The following PKIB variants were observed in gnomAD, a reference collection of about 807,000 sequenced individuals.
PKIB encodes the protein cAMP-dependent protein kinase inhibitor beta.
Under a neutral mutation model 4.5 loss-of-function variants are expected in PKIB, and 2 were observed. The ratio of observed to expected loss-of-function variants is 0.44; its 90% confidence interval spans 0.18 to 1.39. The LOEUF (loss-of-function observed/expected upper bound fraction) is 1.39, where lower values mean the gene tolerates loss of function less well. Ranked by LOEUF, PKIB falls within the 40% of genes most tolerant of loss-of-function variation. The pLI, the probability that PKIB is intolerant of heterozygous loss-of-function variation, is 0.27. For synonymous variants in PKIB, 38 were observed against 36.0 expected (o/e 1.06, Z -0.20); for missense variants, 94 against 92.6 (o/e 1.02, Z -0.06).
At chr6:122,646,038 A>C (rs1776301558) in intron 2 of PKIB, among the ~76,000 whole-genome samples, 1 of 152,094 alleles carries the variant, frequency 6.6e-6, no homozygotes, top group South Asian at 2.1e-4. Context: ...GAAACTGCTC[A>C]CATGGGGCCT....
At chr6:122,563,248 AC>A (rs1773084537) in intron 2 of PKIB, among the ~76,000 whole-genome samples, 1 of 152,000 alleles carries the variant, frequency 6.6e-6, no homozygotes, top group Non-Finnish European at 1.5e-5. Context: ...GGGTCTAGCC[AC>A]CCAGTAAGTC....
chr6:122,640,512 T>C (rs548067403), intron 2 of PKIB, among the ~76,000 whole-genome samples: 4 of 152,322 alleles, frequency 2.6e-5, no homozygotes, highest in African/African-American at 9.6e-5. Context: ...GGACAACACG[T>C]TGTGACATGT....
chr6:122,649,331 T>A (rs1265101236), intron 2 of PKIB, among the ~76,000 whole-genome samples: 3 of 152,220 alleles, frequency 2.0e-5, no homozygotes, highest in Non-Finnish European at 4.4e-5. Flanking sequence ...GGAAGACTTC[T>A]CTTTAGCACT....
At chr6:122,516,900 T>C (rs531928225) in intron 2 of PKIB, among the ~76,000 whole-genome samples, 1 of 152,260 alleles carries the variant, frequency 6.6e-6, no homozygotes, top group East Asian at 1.9e-4. Flanking sequence ...TTGCAACATG[T>C]GGCATTTAAA....
intron 2 of PKIB, among the ~76,000 whole-genome samples, chr6:122,527,024 C>T (rs1023446038): frequency 1.3e-5 from 2 of 152,164 alleles, no homozygotes; most frequent in African/African-American, 4.8e-5. Context: ...GTAATTGCTG[C>T]TCCATCTTGC....
intron 2 of PKIB, among the ~76,000 whole-genome samples, chr6:122,550,598 T>C (rs1772648700): frequency 6.6e-6 from 1 of 152,192 alleles, no homozygotes; most frequent in Non-Finnish European, 1.5e-5. Context: ...TCTTATCAGG[T>C]AATCTACTAA....
chr6:122,509,024 C>T (rs765880551), intron 2 of PKIB, among the ~76,000 whole-genome samples: 5 of 152,156 alleles, frequency 3.3e-5, no homozygotes, highest in Non-Finnish European at 4.4e-5. Context: ...GCTGGGATTA[C>T]AGGCGTGAGC....
chr6:122,559,814 G>T (rs1485003513), intron 2 of PKIB, among the ~76,000 whole-genome samples: 1 of 152,032 alleles, frequency 6.6e-6, no homozygotes, highest in East Asian at 1.9e-4. Flanking sequence ...TTGTAAAAGG[G>T]GTTGAGTTCT....
rs117011491 is a variant in PKIB at position 122,620,441 on chromosome 6, G to T, written c.-161+9906G>T. Reference sequence around the variant, plus strand: ...ATTATAGACTAAGAATTCTCTCTTGGTTTCTTAACACAGATAGGCTAATAA... The same window carrying T: ...ATTATAGACTAAGAATTCTCTCTTGTTTTCTTAACACAGATAGGCTAATAA... On this transcript the variant is annotated intron_variant, in intron 1 of 4. Transcript: ENST00000368452. 5.9e-4 allele frequency among the ~76,000 whole-genome samples: 90 copies of T among 152,294 alleles called. 1 individual carries two copies. The East Asian group carries it at 0.016, about 27-fold the overall frequency.
intron 3 of PKIB, among the ~76,000 whole-genome samples, chr6:122,700,221 T>C (rs1418316063): frequency 2.6e-5 from 4 of 151,486 alleles, no homozygotes; most frequent in Non-Finnish European, 5.9e-5. Context: ...AGGATATTTT[T>C]TTCTTTGCTT....
intron 2 of PKIB, among the ~76,000 whole-genome samples, chr6:122,565,061 T>G (rs937323599): frequency 2.6e-5 from 4 of 152,214 alleles, no homozygotes; most frequent in Non-Finnish European, 5.9e-5. Context: ...ATTTTAACTT[T>G]TAGCTTAATG....
intron 3 of PKIB, among the ~76,000 whole-genome samples, chr6:122,716,464 G>A (rs1779500660): frequency 6.6e-6 from 1 of 152,088 alleles, no homozygotes; most frequent in Non-Finnish European, 1.5e-5. Flanking sequence ...TTCCAAAATT[G>A]TATCTCAAAA....
intron 3 of PKIB, among the ~76,000 whole-genome samples, chr6:122,598,166 G>C (rs2082196): frequency 0.08 from 12,149 of 152,150 alleles, 645 homozygotes; most frequent in East Asian, 0.21. Context: ...TCTGTAAACT[G>C]ACTCAAGTAT....
chr6:122,543,677 G>A (rs562532868), intron 2 of PKIB, among the ~76,000 whole-genome samples: 1 of 151,958 alleles, frequency 6.6e-6, no homozygotes, highest in Admixed American at 6.5e-5. Flanking sequence ...ACTGCACCTG[G>A]CTAGAATAAC....
chr6:122,590,151 A>G (rs1773973748), intron 3 of PKIB, among the ~76,000 whole-genome samples: 1 of 152,160 alleles, frequency 6.6e-6, no homozygotes, highest in Non-Finnish European at 1.5e-5. Context: ...TTAAAATATT[A>G]TCTTTCTAAG....
chr6:122,486,670 TA>T (rs1394910746), intron 2 of PKIB, among the ~76,000 whole-genome samples: 1 of 152,154 alleles, frequency 6.6e-6, no homozygotes, highest in Non-Finnish European at 1.5e-5. Flanking sequence ...CCTCAAGTTC[TA>T]ACATTTCTGC....
chr6:122,561,781 C>T (rs1047190902), intron 2 of PKIB, among the ~76,000 whole-genome samples: 2 of 152,014 alleles, frequency 1.3e-5, no homozygotes, highest in Admixed American at 6.6e-5. Context: ...TTTTTCCACC[C>T]CTTTACTTTA....
chr6:122,579,890 T>C (rs1582711928), intron 2 of PKIB, among the ~76,000 whole-genome samples: 1 of 152,324 alleles, frequency 6.6e-6, no homozygotes, highest in East Asian at 1.9e-4. Flanking sequence ...GCTGGTTTCT[T>C]CTCAGTCAGA....
At chr6:122,553,027 T>C (rs1772726334) in intron 2 of PKIB, among the ~76,000 whole-genome samples, 1 of 152,178 alleles carries the variant, frequency 6.6e-6, no homozygotes, top group South Asian at 2.1e-4. Context: ...TCTCCTGTTA[T>C]AGTTAGTAAT....
Sources: gnomAD v4.1 joint callset for allele counts (sites outside exome capture counted in the v4.1 genomes callset) on GRCh38, gnomAD v4.1.1 for gene constraint, MANE v1.5 for transcripts, NCBI Gene and HGNC (gene_info 2026-07-23, HGNC 2026-07-21) for gene names.